The following SPG7 variants were observed in gnomAD, a reference collection of about 807,000 sequenced individuals.
The protein encoded by SPG7 is mitochondrial inner membrane m-AAA protease component paraplegin.
In SPG7, 103 loss-of-function variants were observed where a neutral mutation model predicts 81.9. The observed-to-expected ratio is 1.26, with a 90% CI of 1.07 to 1.48. The LOEUF (loss-of-function observed/expected upper bound fraction) is 1.48. Among genes scored for constraint, SPG7 ranks in the 40% most tolerant of loss-of-function variants. The pLI is 0.00. For synonymous variants in SPG7, 534 were observed against 444.2 expected, an observed-to-expected ratio of 1.20 and a Z score of -2.54; for missense variants, 1,241 against 1,087.3, an observed-to-expected ratio of 1.14 and a Z score of -1.99.
At position 89,553,834 on chromosome 16, in the gene SPG7, C is replaced by T. The variant is rs2058661485; in HGVS notation, c.1977C>T (p.Tyr659=). ...TGAGGAAGGTCACCCGCATCGCCTACTCCATGGTGAAGCAGTTTGGGATGG... is the reference window on the plus strand; with the variant it reads ...TGAGGAAGGTCACCCGCATCGCCTATTCCATGGTGAAGCAGTTTGGGATGG... ...DDLRKVTRIA[Y]SMVKQFGMAP... Residue 659 remains tyrosine, a synonymous_variant, in exon 15 of 17, where the codon TAC becomes TAT. Coordinates refer to ENST00000645818, the MANE Select transcript of SPG7 (RefSeq NM_003119.4). The T allele has an allele frequency of 7.4e-6, 12 of 1,613,590 alleles. No individual in the cohort carries two copies. Among genetic ancestry groups the T allele is most frequent in the South Asian group, 1.1e-5 (1 of 91,088 alleles).
At position 89,557,699 on chromosome 16, in the gene SPG7, C is replaced by A. The variant is rs1194431280; in HGVS notation, c.*606C>A. On this transcript the variant is annotated 3_prime_UTR_variant, in exon 17 of 17. Transcript: ENST00000645818. ...AGTCACGCATGCAGTGTTGGGGATG[C>A]CTTGGTTTTTACTGCTCTGAGAATT... is the stretch of plus-strand genomic sequence containing the variant. 6.4e-6 allele frequency: 1 copy of A among 156,218 alleles called. No homozygotes were observed. Among genetic ancestry groups the A allele is most frequent in the African/African-American group, 2.4e-5 (1 of 41,578 alleles). 9.7% of individuals were successfully genotyped at this position (156,218 alleles called of 1,614,324 possible). A position where few individuals can be genotyped will look rare whatever the true frequency, so the allele number is the denominator to read the frequency against.
At chr16:89,510,980 A>G (rs952152855) in intron 2 of SPG7, among the ~76,000 whole-genome samples, 2 of 152,146 alleles carry the variant, frequency 1.3e-5, no homozygotes, top group Non-Finnish European at 1.5e-5. Context: ...CTCCAGGCAC[A>G]CACCAAAGCG....
At chr16:89,548,877 G>A (rs1462535161) in intron 12 of SPG7, 2 of 447,878 alleles carry the variant, frequency 4.5e-6, no homozygotes, top group Admixed American at 2.4e-5. Flanking sequence ...TCTTGCCCCA[G>A]GTGTTTGAGG....
Position 89,548,090 on chromosome 16 carries a change from ACGCCGTGGAG to A in SPG7, c.1644_1653del (p.Val549SerfsTer40). On this transcript the variant is annotated frameshift_variant, in exon 12 of 17. Coordinates refer to ENST00000645818, the MANE Select transcript of SPG7 (RefSeq NM_003119.4). LOFTEE classifies it high-confidence loss of function. ...TCCGTGCACACTCTCAACTTCGAGT[ACGCCGTGGAG>A]CGCGTCCTCGCAGGTACAGGGGGCG... is the stretch of plus-strand genomic sequence containing the variant. The A allele has an allele frequency of 6.2e-7, 1 of 1,608,148 alleles. No homozygotes were observed. Among genetic ancestry groups the A allele is most frequent in the South Asian group, 1.1e-5 (1 of 91,092 alleles).
rs1043927234 is a variant in SPG7, at chr16:89,528,398, A to AC, written c.759-1079_759-1078insC. Among the ~76,000 whole-genome samples, 46 of 146,176 alleles carry AC rather than the reference A, an allele frequency of 3.1e-4. 1 individual carries two copies. In the East Asian group the frequency reaches 7.0e-3, roughly 22 times the overall value. ...CAGAGCCAGACTCCATCTCAAACAA[A>AC]AAAAAAAAAAAAAGAAGAAGATGGA... On this transcript the variant is annotated intron_variant, in intron 5 of 16. Transcript: ENST00000645818.
At chr16:89,529,362 G>A (rs573960915) in intron 5 of SPG7, 115 bp from the exon 6 acceptor site, 20 of 735,480 alleles carry the variant, frequency 2.7e-5, no homozygotes, top group Admixed American at 1.8e-4. Context: ...GGTCCCAGAC[G>A]TAGGGATTCC....
intron 10 of SPG7, chr16:89,546,221 G>T: frequency 3.2e-6 from 1 of 311,002 alleles, no homozygotes; most frequent in Non-Finnish European, 6.3e-6. Context: ...CGAGTAGCTG[G>T]GATTACAGGC....
chr16:89,529,258 C>G (rs1364619741), intron 5 of SPG7: 2 of 605,506 alleles, frequency 3.3e-6, no homozygotes, highest in African/African-American at 3.7e-5. Context: ...TCTGCACACT[C>G]AGTCTGACCA....
intron 14 of SPG7, 29 bp downstream of exon 14, chr16:89,553,164 G>T (rs1438243448): frequency 6.4e-7 from 1 of 1,569,872 alleles, no homozygotes; most frequent in Admixed American, 1.9e-5. Flanking sequence ...GGCCCTGGAG[G>T]TTTCAGAGCG....
At chr16:89,541,953 G>A (rs1567923600) in intron 9 of SPG7, 1 of 149,430 alleles carries the variant, frequency 6.7e-6, no homozygotes, top group Non-Finnish European at 1.5e-5. Context: ...GCCCGGTGGG[G>A]AGCACGTGCC....
chr16:89,520,940 T>C (rs2058180029), intron 3 of SPG7: 1 of 152,230 alleles, frequency 6.6e-6, no homozygotes, highest in Non-Finnish European at 1.5e-5. Context: ...TTGATACATC[T>C]TGCCAGGCAG....
Position 89,536,316 on chromosome 16 carries a change from C to T in SPG7, c.1324+3680C>T, listed in dbSNP as rs2058416112. On this transcript the variant is annotated intron_variant, in intron 9 of 16. Transcript: ENST00000645818. The stretch of plus-strand genomic sequence containing the variant: ...GGTGCTGTGTGGCCTTCAGTGTGGC[C>T]GCTCTGGTGCTGTGTGGCCTTCAGT... 5.1e-5 allele frequency among the ~76,000 whole-genome samples: 7 copies of T among 136,620 alleles called. No homozygotes were observed. In the South Asian group the frequency reaches 1.7e-3, roughly 33 times the overall value. 89.6% of individuals were successfully genotyped at this position (136,620 alleles called of 152,430 possible). A position where few individuals can be genotyped will look rare whatever the true frequency, so the allele number is the denominator to read the frequency against.
intron 2 of SPG7, among the ~76,000 whole-genome samples, chr16:89,511,039 C>T (rs1389077721): frequency 3.3e-5 from 5 of 152,090 alleles, no homozygotes; most frequent in Non-Finnish European, 4.4e-5. Flanking sequence ...GGTTTTGCCA[C>T]GTTTCCCAGG....
At position 89,530,808 on chromosome 16, in the gene SPG7, GGTGAA is replaced by G. The variant is rs1420745103; in HGVS notation, c.987+1_987+5del. On this transcript the variant is annotated splice_donor_variant and splice_donor_5th_base_variant and intron_variant, in intron 7 of 16. Transcript: ENST00000645818. LOFTEE classifies it high-confidence loss of function. The stretch of plus-strand genomic sequence containing the variant: ...TCCGCGAGTTTGTGGATTATCTGAA[GGTGAA>G]AGCAGCGTGGGCCGGGAGGGAGGTG... 3.7e-6 allele frequency: 6 copies of G among 1,614,002 alleles called. No homozygotes were observed. The highest frequency in any genetic ancestry group is 5.1e-6 in the Non-Finnish European group (6 of 1,180,030).
intron 3 of SPG7, among the ~76,000 whole-genome samples, 193 bp downstream of exon 3, chr16:89,513,230 C>G (rs1165752402): frequency 6.6e-6 from 1 of 152,146 alleles, no homozygotes; most frequent in African/African-American, 2.4e-5. Flanking sequence ...CATAGCGAGA[C>G]CCTGTCTCAC....
At position 89,534,157 on chromosome 16, in the gene SPG7, C is replaced by G. The variant is rs115421937; in HGVS notation, c.1324+1521C>G. ...AACCGAAAACCTGTCCCCATTCAACCCTCCCCATTCTCCATCCCCAGCCCC... is the reference window on the plus strand; with the variant it reads ...AACCGAAAACCTGTCCCCATTCAACGCTCCCCATTCTCCATCCCCAGCCCC... On this transcript the variant is annotated intron_variant, in intron 9 of 16. Coordinates refer to ENST00000645818, the MANE Select transcript of SPG7 (RefSeq NM_003119.4). Among the ~76,000 whole-genome samples, 957 of 152,312 alleles carry G rather than the reference C, an allele frequency of 6.3e-3. 11 individuals are homozygous for G. The highest frequency in any genetic ancestry group is 0.022 in the African/African-American group (914 of 41,554).
chr16:89,550,823 G>A (rs534442581), intron 13 of SPG7, among the ~76,000 whole-genome samples: 4 of 152,344 alleles, frequency 2.6e-5, no homozygotes, highest in Admixed American at 1.3e-4. Context: ...CTCGGACGTG[G>A]GAGGCAGGAG....
intron 3 of SPG7, chr16:89,517,304 C>G (rs1386975769): frequency 6.6e-6 from 1 of 151,412 alleles, no homozygotes; most frequent in Non-Finnish European, 1.5e-5. Flanking sequence ...GCATGGCAGC[C>G]TCCGTTGTCA....
chr16:89,544,550 G>A, intron 9 of SPG7, 98 bp from the exon 10 acceptor site: 1 of 1,422,564 alleles, frequency 7.0e-7, no homozygotes, highest in Non-Finnish European at 9.9e-7. Context: ...CCTTAGGGGG[G>A]TCTCTCTCCC....
Sources: allele counts gnomAD v4.1 joint callset (sites outside exome capture counted in the v4.1 genomes callset), GRCh38; gene constraint gnomAD v4.1.1; transcripts MANE v1.5; gene names NCBI Gene and HGNC (gene_info 2026-07-23, HGNC 2026-07-21).